Variants in XKR4 observed in about 807,000 individuals in gnomAD.
The protein encoded by XKR4 is XK-related protein 4.
In XKR4, 12 loss-of-function variants were observed where a neutral mutation model predicts 53.9. The observed-to-expected ratio is 0.22, with a 90% CI of 0.14 to 0.36. The LOEUF (loss-of-function observed/expected upper bound fraction) is 0.36, where lower values mean the gene tolerates loss of function less well. Ranked by LOEUF, XKR4 falls within the 10% of genes least tolerant of loss-of-function variation. The pLI is 1.00. For synonymous variants in XKR4, 354 were observed against 362.4 expected, an observed-to-expected ratio of 0.98 and a Z score of 0.26; for missense variants, 799 against 859.5, an observed-to-expected ratio of 0.93 and a Z score of 0.88.
Position 55,523,837 on chromosome 8 carries a change from G to A in XKR4, c.1563G>A (p.Gly521=), listed in dbSNP as rs1806839998. 1.2e-6 allele frequency: 2 copies of A among 1,614,148 alleles called. No homozygotes were observed. The highest frequency in any genetic ancestry group is 1.7e-6 in the Non-Finnish European group (2 of 1,180,024). The change falls in exon 3 of 3, where the codon GGG becomes GGA. Residue 521 remains glycine, a synonymous_variant. Transcript: ENST00000327381. ...TTCATCCCAATGGACCCAGATTCGG[G>A]CAGTCACCAAGTTGTGCTTGTGAGG... The part of the protein sequence containing the change: ...AFFHPNGPRF[G]QSPSCACEDP...
At chr8:55,492,459 G>A (rs1401441778) in intron 2 of XKR4, among the ~76,000 whole-genome samples, 1 of 152,154 alleles carries the variant, frequency 6.6e-6, no homozygotes, top group Non-Finnish European at 1.5e-5. Flanking sequence ...GGGTTTAAAA[G>A]ATTCTCACCC....
chr8:55,102,353 C>A lies in XKR4; in HGVS notation c.-136C>A, dbSNP rs545179071. ...CGGGCGGCGGCGGACGGCAGGCGAG[C>A]CGACGCAGGAGCAGGAGGAGGGGGA... On this transcript the variant is annotated 5_prime_UTR_variant, in exon 1 of 3. Transcript: ENST00000327381. The surrounding 1 kb of genome is among the most constrained non-coding windows in gnomAD (Gnocchi z 5.1). The A allele has an allele frequency of 7.1e-6, 8 of 1,127,450 alleles. No individual in the cohort carries two copies. In the South Asian group the frequency reaches 2.7e-4, roughly 38 times the overall value. 69.8% of individuals were successfully genotyped at this position (1,127,450 alleles called of 1,614,324 possible).
At chr8:55,454,425 CG>C in intron 2 of XKR4, 1 of 1,250,296 alleles carries the variant, frequency 8.0e-7, no homozygotes, top group Non-Finnish European at 1.2e-6. Context: ...CTGCAGGCAT[CG>C]GTGAGCTGCT....
chr8:55,137,762 A>G (rs546191695), intron 1 of XKR4, among the ~76,000 whole-genome samples: 23 of 151,896 alleles, frequency 1.5e-4, no homozygotes, highest in African/African-American at 4.1e-4. Flanking sequence ...TGTAGAAACA[A>G]GGTCTCATTC....
chr8:55,333,654 G>T (rs1259939172), intron 1 of XKR4, among the ~76,000 whole-genome samples: 1 of 152,068 alleles, frequency 6.6e-6, no homozygotes, highest in African/African-American at 2.4e-5. Flanking sequence ...GCCTCCAATG[G>T]CTTTCTCTAG....
intron 1 of XKR4, among the ~76,000 whole-genome samples, chr8:55,125,691 A>G (rs940221769): frequency 6.6e-6 from 1 of 152,086 alleles, no homozygotes; most frequent in African/African-American, 2.4e-5. Flanking sequence ...CCTAGCATCA[A>G]ATTTCTTACC....
intron 1 of XKR4, among the ~76,000 whole-genome samples, chr8:55,109,385 G>T (rs1437464867): frequency 1.3e-5 from 2 of 152,122 alleles, no homozygotes; most frequent in African/African-American, 4.8e-5. Context: ...GAATTTTCGT[G>T]CAACACTATA....
chr8:55,486,169 G>A (rs1414436777), intron 2 of XKR4, among the ~76,000 whole-genome samples: 1 of 152,174 alleles, frequency 6.6e-6, no homozygotes, highest in Non-Finnish European at 1.5e-5. Flanking sequence ...TGAGGTATAA[G>A]TGCGCATCAC....
intron 1 of XKR4, among the ~76,000 whole-genome samples, chr8:55,324,750 G>A (rs1002610409): frequency 3.3e-5 from 5 of 152,092 alleles, no homozygotes; most frequent in African/African-American, 1.2e-4. Flanking sequence ...TGAGACTAGG[G>A]GACAGGAAAT....
intron 2 of XKR4, among the ~76,000 whole-genome samples, chr8:55,516,814 C>A (rs1355391611): frequency 1.3e-5 from 2 of 152,160 alleles, no homozygotes; most frequent in African/African-American, 2.4e-5. Context: ...TGAAAAGACA[C>A]CTGCACTTGT....
intron 2 of XKR4, among the ~76,000 whole-genome samples, chr8:55,488,958 A>G (rs72648092): frequency 9.9e-5 from 1 of 10,098 alleles, no homozygotes; most frequent in Admixed American, 7.8e-4. Context: ...AAAAAAAAAA[A>G]AAAAAGACCA....
chr8:55,399,687 C>T (rs1435352749), intron 2 of XKR4, among the ~76,000 whole-genome samples: 1 of 152,204 alleles, frequency 6.6e-6, no homozygotes, highest in Non-Finnish European at 1.5e-5. Context: ...CGTGCCAATG[C>T]AGCCATTGGG....
intron 1 of XKR4, among the ~76,000 whole-genome samples, chr8:55,303,092 C>T (rs1181432405): frequency 6.6e-6 from 1 of 152,206 alleles, no homozygotes; most frequent in African/African-American, 2.4e-5. Context: ...AAAGGGAATG[C>T]TTCCAGTTTT....
chr8:55,358,189 A>G (rs931220132), intron 2 of XKR4, among the ~76,000 whole-genome samples: 5 of 152,158 alleles, frequency 3.3e-5, no homozygotes, highest in African/African-American at 1.2e-4. Context: ...ATAATGGTAT[A>G]ATTTCCAAAA....
At chr8:55,206,302 C>T (rs560042649) in intron 1 of XKR4, among the ~76,000 whole-genome samples, 25 of 152,196 alleles carry the variant, frequency 1.6e-4, no homozygotes, top group African/African-American at 4.8e-4. Flanking sequence ...CTGATTGGTC[C>T]GTTTTTACAG....
At chr8:55,371,913 CCTGA>C (rs1385553881) in intron 2 of XKR4, among the ~76,000 whole-genome samples, 1 of 152,170 alleles carries the variant, frequency 6.6e-6, no homozygotes, top group Non-Finnish European at 1.5e-5. Context: ...AAATAAGGGG[CCTGA>C]CTATTTTTAG....
rs144608839 is a variant in XKR4, at chr8:55,433,356, T to G, written c.1006+75479T>G. On this transcript the variant is annotated intron_variant, in intron 2 of 2. Transcript: ENST00000327381. ...AGTCGCTAAATGATGACATTACACA[T>G]AGGATTTAGTTCTGTGCATTATAAT... Among the ~76,000 whole-genome samples, 42 of 152,330 alleles carry G rather than the reference T, an allele frequency of 2.8e-4. 1 individual carries two copies. The East Asian group carries it at 6.7e-3, about 24-fold the overall frequency.
At chr8:55,481,988 C>T (rs544390855) in intron 2 of XKR4, among the ~76,000 whole-genome samples, 5 of 152,248 alleles carry the variant, frequency 3.3e-5, no homozygotes, top group African/African-American at 7.2e-5. Context: ...GTCAGTGTGG[C>T]GATTCCTCAG....
intron 1 of XKR4, among the ~76,000 whole-genome samples, chr8:55,137,591 T>A (rs76759744): frequency 6.6e-6 from 1 of 151,214 alleles, no homozygotes; most frequent in Non-Finnish European, 1.5e-5. Context: ...TTTTTTTTTT[T>A]TGAAATAGGG....
Sources: gnomAD v4.1 joint callset for allele counts (sites outside exome capture counted in the v4.1 genomes callset) on GRCh38, gnomAD v4.1.1 for gene constraint, Gnocchi (gnomAD v3.1) non-coding constraint, MANE v1.5 for transcripts, NCBI Gene and HGNC (gene_info 2026-07-23, HGNC 2026-07-21) for gene names.